EPYC: variants seen among roughly 807,000 people sequenced by gnomAD.
EPYC encodes dermatan sulfate proteoglycan 3.
Under a neutral mutation model 30.1 loss-of-function variants are expected in EPYC, and 28 were observed. The ratio of observed to expected loss-of-function variants is 0.93; its 90% CI spans 0.69 to 1.28. EPYC has a LOEUF of 1.28. EPYC is among the 50% of genes most tolerant of loss of function. EPYC has a pLI of 0.00. For synonymous variants in EPYC, 144 were observed against 141.4 expected, an observed-to-expected ratio of 1.02 and a Z score of -0.13; for missense variants, 382 against 383.5, an observed-to-expected ratio of 1.00 and a Z score of 0.03.
chr12:90,987,969 T>C (rs1052232413), intron 2 of EPYC, among the ~76,000 whole-genome samples: 9 of 152,164 alleles, frequency 5.9e-5, no homozygotes, highest in South Asian at 2.1e-4. Flanking sequence ...GGAAGGATAA[T>C]TTTTTATTAA....
At chr12:90,990,716 AG>A (rs1240897097) in intron 2 of EPYC, among the ~76,000 whole-genome samples, 1 of 152,130 alleles carries the variant, frequency 6.6e-6, no homozygotes, top group African/African-American at 2.4e-5. Flanking sequence ...TAATAGCATA[AG>A]GCAAAAGAAG....
intron 3 of EPYC, among the ~76,000 whole-genome samples, chr12:90,973,723 G>A (rs1877110755): frequency 6.6e-6 from 1 of 152,122 alleles, no homozygotes; most frequent in Non-Finnish European, 1.5e-5. Context: ...CTGAAGGATA[G>A]TCCATATGGT....
intron 6 of EPYC, among the ~76,000 whole-genome samples, chr12:90,967,113 T>A (rs1347270888): frequency 1.3e-5 from 2 of 152,056 alleles, no homozygotes; most frequent in Non-Finnish European, 2.9e-5. Flanking sequence ...TTACTTATTC[T>A]GCTTTAATTT....
At chr12:91,003,696 C>T (rs1440831412) in intron 1 of EPYC, among the ~76,000 whole-genome samples, 1 of 152,006 alleles carries the variant, frequency 6.6e-6, no homozygotes. Context: ...TCAAGCATGT[C>T]TAATTTTAGA....
At chr12:91,000,291 T>C (rs1471891540) in intron 2 of EPYC, among the ~76,000 whole-genome samples, 1 of 152,116 alleles carries the variant, frequency 6.6e-6, no homozygotes, top group African/African-American at 2.4e-5. Context: ...GGCTGAAGTA[T>C]GTAAAGACGC....
intron 6 of EPYC, 27 bp from the exon 7 acceptor site, chr12:90,964,353 C>G (rs900521951): frequency 1.3e-6 from 2 of 1,525,856 alleles, no homozygotes; most frequent in Admixed American, 3.4e-5. Context: ...TAAATTATGA[C>G]AAGATATAAC....
At position 90,993,227 on chromosome 12, in the gene EPYC, C is replaced by T. The variant is rs1369752881; in HGVS notation, c.165+9174G>A. Among the ~76,000 whole-genome samples the T allele has an allele frequency of 5.3e-5, 8 of 152,070 alleles. No homozygotes were observed. In the East Asian group the frequency reaches 1.5e-3, roughly 29 times the overall value. ...ATCAATTGCATACATTTCATTTTGC[C>T]CCTGCATGAACAAAGATTTATGGGG... On this transcript the variant is annotated intron_variant, in intron 2 of 6. Transcript: ENST00000261172.
chr12:90,978,868 G>T (rs930364931), intron 2 of EPYC, among the ~76,000 whole-genome samples: 2 of 151,974 alleles, frequency 1.3e-5, no homozygotes, highest in South Asian at 4.2e-4. Context: ...ACTATGATTT[G>T]ATTGTGATAT....
chr12:90,974,613 G>C (rs947840822), intron 3 of EPYC, among the ~76,000 whole-genome samples: 2 of 152,104 alleles, frequency 1.3e-5, no homozygotes, highest in Non-Finnish European at 2.9e-5. Context: ...AACATGGAAA[G>C]ATTTTCATCC....
intron 2 of EPYC, among the ~76,000 whole-genome samples, chr12:90,981,392 G>C (rs1424933610): frequency 3.3e-5 from 5 of 152,044 alleles, no homozygotes; most frequent in Non-Finnish European, 7.4e-5. Context: ...TACATTTATT[G>C]TATCAGATTG....
At chr12:91,001,961 G>T (rs1272450994) in intron 2 of EPYC, among the ~76,000 whole-genome samples, 1 of 151,742 alleles carries the variant, frequency 6.6e-6, no homozygotes, top group African/African-American at 2.4e-5. Flanking sequence ...GGCTGAGGGG[G>T]GTGCATCACG....
At chr12:90,998,523 A>T (rs1877748443) in intron 2 of EPYC, among the ~76,000 whole-genome samples, 1 of 152,104 alleles carries the variant, frequency 6.6e-6, no homozygotes, top group Non-Finnish European at 1.5e-5. Flanking sequence ...ACAACTCAGG[A>T]GGCAATAAAT....
chr12:90,985,836 C>G (rs1877436208), intron 2 of EPYC, among the ~76,000 whole-genome samples: 3 of 151,952 alleles, frequency 2.0e-5, no homozygotes. Context: ...ATCACCCTCA[C>G]TGAGCCCTGG....
chr12:90,986,984 A>G (rs1164670717), intron 2 of EPYC, among the ~76,000 whole-genome samples: 1 of 152,126 alleles, frequency 6.6e-6, no homozygotes, highest in Non-Finnish European at 1.5e-5. Context: ...CCTGAAAAAT[A>G]CAGTTGAATC....
intron 2 of EPYC, among the ~76,000 whole-genome samples, chr12:90,997,756 T>C (rs977750574): frequency 5.3e-5 from 8 of 152,114 alleles, no homozygotes; most frequent in African/African-American, 1.4e-4. Flanking sequence ...AGTAGTCTTA[T>C]GCCATTCTTT....
chr12:90,969,259 G>T (rs1449215646), intron 6 of EPYC, among the ~76,000 whole-genome samples: 1 of 151,562 alleles, frequency 6.6e-6, no homozygotes, highest in African/African-American at 2.4e-5. Context: ...GCATGAAATG[G>T]GTGTTTTCTC....
Position 91,002,587 on chromosome 12 carries a change from A to T in EPYC, c.-13-9T>A. ...TCATTTTTCAAGCTTTCCTAATTAT[A>T]AAATATTAAAATGCATAAATATTTA... On this transcript the variant is annotated splice_polypyrimidine_tract_variant and intron_variant, in intron 1 of 6. Coordinates refer to ENST00000261172, the MANE Select transcript of EPYC (RefSeq NM_004950.5). 6.4e-7 allele frequency: 1 copy of T among 1,563,144 alleles called. No individual in the cohort carries two copies. Among genetic ancestry groups the T allele is most frequent in the Non-Finnish European group, 8.7e-7 (1 of 1,149,688 alleles).
intron 3 of EPYC, among the ~76,000 whole-genome samples, chr12:90,976,616 G>T (rs191682840): frequency 1.3e-3 from 191 of 152,138 alleles, no homozygotes; most frequent in Non-Finnish European, 2.0e-3. Context: ...AGGTAATATT[G>T]CTCCTCCCTC....
At chr12:90,976,268 TAAC>T (rs1309889056) in intron 3 of EPYC, among the ~76,000 whole-genome samples, 2 of 152,110 alleles carry the variant, frequency 1.3e-5, no homozygotes, top group Non-Finnish European at 2.9e-5. Flanking sequence ...TATTCATAGT[TAAC>T]AATACTGTAT....
Sources: allele counts gnomAD v4.1 joint callset (sites outside exome capture counted in the v4.1 genomes callset), GRCh38; gene constraint gnomAD v4.1.1; transcripts MANE v1.5; gene names NCBI Gene and HGNC (gene_info 2026-07-23, HGNC 2026-07-21).